The following PTPRD variants were observed in gnomAD, a reference collection of about 807,000 sequenced individuals.
PTPRD encodes the protein receptor-type tyrosine-protein phosphatase delta.
PTPRD carries 34 observed loss-of-function variants against 214.5 expected under a neutral mutation model. The ratio of observed to expected loss-of-function variants is 0.16; its 90% CI spans 0.12 to 0.21. PTPRD has a LOEUF of 0.21. Ranked by LOEUF, PTPRD falls within the 10% of genes least tolerant of loss-of-function variation. The pLI is 1.00. For missense variants in PTPRD, 2,545 were observed against 2,398.7 expected, an observed-to-expected ratio of 1.06 and a Z score of -1.27; for synonymous variants, 1,128 against 845.7, an observed-to-expected ratio of 1.33 and a Z score of -5.79.
chr9:9,400,879 T>G (rs1182828147), intron 8 of PTPRD, among the ~76,000 whole-genome samples: 2 of 152,078 alleles, frequency 1.3e-5, no homozygotes, highest in East Asian at 3.9e-4. Flanking sequence ...CCTTTAGAAT[T>G]ACCCATCCAC....
intron 4 of PTPRD, among the ~76,000 whole-genome samples, chr9:9,942,655 A>G (rs998580932): frequency 7.2e-5 from 11 of 152,132 alleles, no homozygotes; most frequent in Non-Finnish European, 8.8e-5. Flanking sequence ...CAATTTTGCA[A>G]ATCTTACAGG....
intron 9 of PTPRD, among the ~76,000 whole-genome samples, chr9:9,387,148 G>A (rs2064134468): frequency 6.6e-6 from 1 of 152,188 alleles, no homozygotes; most frequent in Non-Finnish European, 1.5e-5. Flanking sequence ...AACAGTAAAT[G>A]GAACACAGTA....
At chr9:9,444,003 A>G (rs866849764) in intron 8 of PTPRD, among the ~76,000 whole-genome samples, 1 of 152,198 alleles carries the variant, frequency 6.6e-6, no homozygotes, top group African/African-American at 2.4e-5. Context: ...AAATAAAATC[A>G]TATGGACTTT....
At chr9:10,565,674 T>G (rs1052631954) in intron 2 of PTPRD, among the ~76,000 whole-genome samples, 1 of 152,108 alleles carries the variant, frequency 6.6e-6, no homozygotes, top group Admixed American at 6.6e-5. Context: ...AATCCCTAAC[T>G]TATACCCAGT....
intron 7 of PTPRD, among the ~76,000 whole-genome samples, chr9:9,586,668 A>G (rs1029840676): frequency 6.6e-6 from 1 of 152,014 alleles, no homozygotes; most frequent in African/African-American, 2.4e-5. Flanking sequence ...GCTACCATTT[A>G]TGCTAAATAG....
At chr9:9,388,442 T>C (rs931699462) in intron 9 of PTPRD, among the ~76,000 whole-genome samples, 3 of 152,154 alleles carry the variant, frequency 2.0e-5, no homozygotes, top group Admixed American at 6.6e-5. Context: ...AATGTATCAA[T>C]ATATCTAAAT....
intron 3 of PTPRD, among the ~76,000 whole-genome samples, chr9:10,288,358 T>A (rs985845834): frequency 2.0e-5 from 3 of 152,078 alleles, no homozygotes; most frequent in African/African-American, 7.2e-5. Flanking sequence ...ACCAGCTGGA[T>A]CATTAATTTA....
At chr9:10,143,066 T>C (rs1267988839) in intron 3 of PTPRD, among the ~76,000 whole-genome samples, 6 of 151,870 alleles carry the variant, frequency 4.0e-5, no homozygotes, top group Non-Finnish European at 2.9e-5. Context: ...TAGGTGGGAA[T>C]TGAACAATGA....
intron 11 of PTPRD, among the ~76,000 whole-genome samples, chr9:8,756,570 G>T (rs1372983878): frequency 6.6e-6 from 1 of 152,116 alleles, no homozygotes; most frequent in African/African-American, 2.4e-5. Flanking sequence ...ACAATACTGG[G>T]CTATTTGAGA....
In PTPRD at chr9:10,379,638, G is replaced by C. The variant is rs541047906; in HGVS notation, c.-599-38621C>G. On this transcript the variant is annotated intron_variant, in intron 2 of 45. Coordinates refer to ENST00000381196, the MANE Select transcript of PTPRD (RefSeq NM_002839.4). Reference sequence around the variant, plus strand: ...TTTTATGTCTAGTCATTTGTATTCTGTTAAAAAGTATAACAGTTCAAAAAG... The same window carrying C: ...TTTTATGTCTAGTCATTTGTATTCTCTTAAAAAGTATAACAGTTCAAAAAG... Among the ~76,000 whole-genome samples the C allele has an allele frequency of 6.9e-4, 105 of 152,024 alleles. 1 individual carries two copies. Among genetic ancestry groups the C allele is most frequent in the African/African-American group, 2.4e-3 (98 of 41,504 alleles).
intron 11 of PTPRD, among the ~76,000 whole-genome samples, chr9:8,828,062 A>T (rs1009689534): frequency 6.6e-6 from 1 of 152,210 alleles, no homozygotes; most frequent in African/African-American, 2.4e-5. Context: ...AGTAAATCCC[A>T]TAAAAGTCTA....
intron 6 of PTPRD, among the ~76,000 whole-genome samples, chr9:9,760,888 C>T (rs148917470): frequency 2.5e-4 from 38 of 152,004 alleles, no homozygotes; most frequent in East Asian, 1.9e-3. Context: ...AAAATAAGAA[C>T]GATCAACACC....
intron 9 of PTPRD, among the ~76,000 whole-genome samples, chr9:9,189,258 G>A (rs1438325813): frequency 1.3e-5 from 2 of 152,028 alleles, no homozygotes; most frequent in Non-Finnish European, 2.9e-5. Flanking sequence ...ATAGTTGAAA[G>A]AGATCTTGAA....
At chr9:10,597,722 A>G (rs1333651457) in intron 2 of PTPRD, among the ~76,000 whole-genome samples, 1 of 151,840 alleles carries the variant, frequency 6.6e-6, no homozygotes, top group East Asian at 1.9e-4. Flanking sequence ...CTGTAATTAG[A>G]AAAATTAAAG....
At chr9:9,076,921 C>G (rs1192451495) in intron 10 of PTPRD, among the ~76,000 whole-genome samples, 1 of 151,680 alleles carries the variant, frequency 6.6e-6, no homozygotes, top group Admixed American at 6.6e-5. Context: ...TTCCTACCAA[C>G]AGTGTACAAG....
chr9:9,594,204 T>C (rs1383981425), intron 7 of PTPRD, among the ~76,000 whole-genome samples: 1 of 152,032 alleles, frequency 6.6e-6, no homozygotes, highest in African/African-American at 2.4e-5. Flanking sequence ...GACACACATG[T>C]GAGAGAGTAT....
intron 5 of PTPRD, among the ~76,000 whole-genome samples, chr9:9,823,773 A>G (rs538642848): frequency 6.6e-6 from 1 of 152,182 alleles, no homozygotes; most frequent in Non-Finnish European, 1.5e-5. Flanking sequence ...ATACAGTCAG[A>G]TAGAAGAAAT....
At chr9:9,412,185 C>G (rs1366492502) in intron 8 of PTPRD, among the ~76,000 whole-genome samples, 1 of 152,090 alleles carries the variant, frequency 6.6e-6, no homozygotes, top group Admixed American at 6.5e-5. Flanking sequence ...GAGTCAGTTT[C>G]TGTTTTACAA....
intron 10 of PTPRD, among the ~76,000 whole-genome samples, chr9:9,074,042 A>T (rs324484): frequency 6.6e-6 from 1 of 151,846 alleles, no homozygotes; most frequent in Non-Finnish European, 1.5e-5. Flanking sequence ...CACACCTAAG[A>T]TTTCATTAAA....
Sources: allele counts gnomAD v4.1 joint callset (sites outside exome capture counted in the v4.1 genomes callset), GRCh38; gene constraint gnomAD v4.1.1; transcripts MANE v1.5; gene names NCBI Gene and HGNC (gene_info 2026-07-23, HGNC 2026-07-21).